DDX24: variants seen among roughly 807,000 people sequenced by gnomAD.
The protein encoded by DDX24 is DEAD-box helicase 24.
A neutral mutation model predicts 68.9 loss-of-function variants in DDX24; 24 were observed. The observed-to-expected ratio is 0.35, with a 90% CI of 0.25 to 0.49. The LOEUF (loss-of-function observed/expected upper bound fraction) is 0.49. Among genes scored for constraint, DDX24 ranks in the 20% least tolerant of loss-of-function variants. The pLI, the probability that DDX24 is intolerant of heterozygous loss-of-function variation, is 0.99. For synonymous variants in DDX24, 395 were observed against 385.2 expected (o/e 1.03, Z -0.30); for missense variants, 989 against 1,039.0 (o/e 0.95, Z 0.66).
intron 3 of DDX24, 59 bp downstream of exon 3, chr14:94,062,038 T>C (rs1281708030): frequency 6.6e-7 from 1 of 1,508,064 alleles, no homozygotes; most frequent in Non-Finnish European, 8.9e-7. Flanking sequence ...CATTCATCTT[T>C]ACCAACGAGC....
At chr14:94,066,525 CAACT>C (rs1313344428) in intron 2 of DDX24, among the ~76,000 whole-genome samples, 1 of 152,180 alleles carries the variant, frequency 6.6e-6, no homozygotes, top group Non-Finnish European at 1.5e-5. Context: ...GGCAGGAGGC[CAACT>C]AACACAAAAA....
chr14:94,055,422 C>T, intron 6 of DDX24: 1 of 520,842 alleles, frequency 1.9e-6, no homozygotes, highest in Non-Finnish European at 3.4e-6. Flanking sequence ...GGTTCAGGTC[C>T]TCAGGACCAT....
At chr14:94,077,553 GTT>G (rs1050840043) in intron 2 of DDX24, among the ~76,000 whole-genome samples, 1 of 152,234 alleles carries the variant, frequency 6.6e-6, no homozygotes, top group African/African-American at 2.4e-5. Context: ...GTGAGGCTGA[GTT>G]TTCTCATCTG....
At chr14:94,073,822 T>C (rs1186301862) in intron 2 of DDX24, among the ~76,000 whole-genome samples, 1 of 151,922 alleles carries the variant, frequency 6.6e-6, no homozygotes, top group Non-Finnish European at 1.5e-5. Flanking sequence ...GGCGAGCAGA[T>C]CACGAGGTCA....
rs977297181 is a variant in DDX24 at position 94,050,918 on chromosome 14, T to C, written c.*273A>G. The C allele has an allele frequency of 1.1e-5, 4 of 361,898 alleles. No homozygotes were observed. The East Asian group carries it at 1.7e-4, about 15-fold the overall frequency. The allele number at this position is 361,898 out of a possible 1,614,324, so 22.4% of individuals were successfully genotyped here. A position where few individuals can be genotyped will look rare whatever the true frequency, so the allele number is the denominator to read the frequency against. On this transcript the variant is annotated 3_prime_UTR_variant, in exon 9 of 9. Coordinates refer to ENST00000621632, the MANE Select transcript of DDX24 (RefSeq NM_020414.4). ...AAAAAAAAAAATCAGGATGACACAA[T>C]GGCTCTGACCATTGTTTTTAATTTA...
intron 2 of DDX24, among the ~76,000 whole-genome samples, chr14:94,063,939 T>A (rs1885646564): frequency 6.6e-6 from 1 of 152,110 alleles, no homozygotes; most frequent in Admixed American, 6.5e-5. Context: ...CTTATTTTTC[T>A]TATTTAAACA....
rs753312058 is a variant in DDX24, at chr14:94,062,190, G to A, written c.1150C>T (p.Pro384Ser). 2.5e-6 allele frequency: 4 copies of A among 1,613,984 alleles called. No homozygotes were observed. The highest frequency in any genetic ancestry group is 3.4e-6 in the Non-Finnish European group (4 of 1,180,030). The change falls in exon 3 of 9, where the codon CCA becomes TCA. Residue 384 changes from proline (P) to serine (S), a missense_variant. Physicochemically the swap from Pro to Ser is moderately conservative, Grantham distance 74. Coordinates refer to ENST00000621632, the MANE Select transcript of DDX24 (RefSeq NM_020414.4). ...ACCAGTCCAAGCAGAGGACGCTTTG[G>A]ATATGCCTTACAGGTGGCGCTTTTG... ...DDKSATCKAY[P>S]KRPLLGLVLT...
intron 5 of DDX24, among the ~76,000 whole-genome samples, chr14:94,059,539 T>C (rs975421573): frequency 2.6e-5 from 4 of 152,230 alleles, no homozygotes; most frequent in African/African-American, 9.6e-5. Flanking sequence ...CATTTAGCAA[T>C]ATATACATAC....
intron 7 of DDX24, among the ~76,000 whole-genome samples, chr14:94,054,556 C>T (rs997212439): frequency 6.6e-6 from 1 of 152,194 alleles, no homozygotes; most frequent in Non-Finnish European, 1.5e-5. Context: ...TACAGTGTCC[C>T]ATGGTAAGCG....
intron 2 of DDX24, among the ~76,000 whole-genome samples, chr14:94,074,572 G>A (rs188556514): frequency 6.6e-6 from 1 of 152,242 alleles, no homozygotes; most frequent in Admixed American, 6.5e-5. Flanking sequence ...CTTCCACAAC[G>A]TGATAAAAAG....
chr14:94,073,536 G>C (rs1397594066), intron 2 of DDX24, among the ~76,000 whole-genome samples: 1 of 151,962 alleles, frequency 6.6e-6, no homozygotes, highest in Non-Finnish European at 1.5e-5. Context: ...AATAAAGCTG[G>C]ACTGGCTGCA....
At position 94,079,322 on chromosome 14, in the gene DDX24, C is replaced by G. The variant is rs749970534; in HGVS notation, c.421G>C (p.Glu141Gln). 9 of 1,614,094 alleles carry G rather than the reference C, an allele frequency of 5.6e-6. No individual in the cohort carries two copies. The East Asian group carries it at 1.8e-4, about 32-fold the overall frequency. The change falls in exon 2 of 9, where the codon GAG becomes CAG. Residue 141 changes from glutamate to glutamine, a missense_variant. This residue lies in a region of DDX24 where 295 missense variants were observed against 263.0 expected (regional missense o/e 1.12). Coordinates refer to ENST00000621632, the MANE Select transcript of DDX24 (RefSeq NM_020414.4). ...DMVCDDPEAG[E>Q]MTSENLVQTA... ...TGGACCAGGTTTTCTGATGTCATCT[C>G]CCCAGCCTCCGGATCATCACAAACC...
intron 2 of DDX24, among the ~76,000 whole-genome samples, chr14:94,076,308 T>A (rs899395577): frequency 1.3e-5 from 2 of 152,100 alleles, no homozygotes; most frequent in African/African-American, 4.8e-5. Flanking sequence ...CATGGCGTAA[T>A]CTCAAATTAT....
intron 2 of DDX24, among the ~76,000 whole-genome samples, chr14:94,069,594 T>C (rs900292053): frequency 2.0e-5 from 3 of 152,182 alleles, no homozygotes; most frequent in Non-Finnish European, 4.4e-5. Context: ...CTGATGAACA[T>C]AGATCCTAAA....
Position 94,062,500 on chromosome 14 carries a change from C to T in DDX24, c.840G>A (p.Glu280=), listed in dbSNP as rs1194477408. The change falls in exon 3 of 9, where the codon GAG becomes GAA. Residue 280 remains glutamate (E), a synonymous_variant. Transcript: ENST00000621632. ...TEAPPGETRT[E]AGAETRSPGK... is the part of the protein sequence containing the mutation. The stretch of plus-strand genomic sequence containing the variant: ...CTGGTGATCTAGTCTCAGCTCCGGC[C>T]TCAGTTCTGGTCTCTCCAGGTGGTG... 1 of 1,614,148 alleles carries T rather than the reference C, an allele frequency of 6.2e-7. No individual in the cohort carries two copies. Among genetic ancestry groups the T allele is most frequent in the Admixed American group, 1.7e-5 (1 of 60,020 alleles).
At chr14:94,080,077 G>A (rs1473795475) in intron 1 of DDX24, among the ~76,000 whole-genome samples, 1 of 152,158 alleles carries the variant, frequency 6.6e-6, no homozygotes, top group African/African-American at 2.4e-5. Context: ...AGGGGGGAGG[G>A]TACCTAACAA....
At chr14:94,064,326 C>T (rs998039411) in intron 2 of DDX24, among the ~76,000 whole-genome samples, 2 of 152,216 alleles carry the variant, frequency 1.3e-5, no homozygotes, top group African/African-American at 4.8e-5. Context: ...TCTTAGTCCT[C>T]TGTTGCTGAT....
chr14:94,062,124 G>A lies in DDX24; in HGVS notation c.1216C>T (p.His406Tyr), dbSNP rs763397266. 3.7e-6 allele frequency: 6 copies of A among 1,613,110 alleles called. No individual in the cohort carries two copies. The highest frequency in any genetic ancestry group is 5.1e-6 in the Non-Finnish European group (6 of 1,179,354). Residue 406 changes from histidine to tyrosine, a missense_variant, in exon 3 of 9, where the codon CAC becomes TAC. By Grantham distance (83) the His-to-Tyr change is moderately conservative (BLOSUM62 2). Transcript: ENST00000621632. ...TRELAVQVKQ[H>Y]IDAVARFTGI... Reference sequence around the variant, plus strand: ...GTAAACCTGGCCACAGCATCAATGTGCTGTTTGACCTGGACGGCCAGCTCT... The same window carrying A: ...GTAAACCTGGCCACAGCATCAATGTACTGTTTGACCTGGACGGCCAGCTCT...
chr14:94,066,235 C>G (rs995384694), intron 2 of DDX24, among the ~76,000 whole-genome samples: 3 of 152,070 alleles, frequency 2.0e-5, no homozygotes, highest in Admixed American at 2.0e-4. Flanking sequence ...TCCCCCATTT[C>G]CCTGACAACC....
Sources: gnomAD v4.1 joint callset for allele counts (sites outside exome capture counted in the v4.1 genomes callset) on GRCh38, gnomAD v4.1.1 for gene constraint, gnomAD v4.1.1 regional missense constraint, MANE v1.5 for transcripts, NCBI Gene and HGNC (gene_info 2026-07-23, HGNC 2026-07-21) for gene names.